COBLL1: variants seen among roughly 807,000 people sequenced by gnomAD.
The protein encoded by COBLL1 is cordon-bleu protein-like 1.
In COBLL1, 50 loss-of-function variants were observed where a neutral mutation model predicts 94.8. The observed-to-expected ratio is 0.53, with a 90% confidence interval of 0.42 to 0.67. COBLL1 has a LOEUF of 0.67. COBLL1 is among the 30% of genes least tolerant of loss of function. COBLL1 has a pLI of 0.00. For synonymous variants in COBLL1, 448 were observed against 473.8 expected (o/e 0.95, Z 0.71); for missense variants, 1,362 against 1,348.7 (o/e 1.01, Z -0.15).
At chr2:164,786,186 ACT>A (rs767693785) in intron 2 of COBLL1, among the ~76,000 whole-genome samples, 10 of 152,010 alleles carry the variant, frequency 6.6e-5, no homozygotes, top group Non-Finnish European at 1.3e-4. Context: ...CTTTTCCTAC[ACT>A]CTGTTTGGAG....
chr2:164,769,811 A>G (rs1688121396), intron 2 of COBLL1, among the ~76,000 whole-genome samples: 1 of 152,204 alleles, frequency 6.6e-6, no homozygotes, highest in African/African-American at 2.4e-5. Context: ...GCAAGCATTT[A>G]TTAAGCACCT....
At chr2:164,785,786 GA>G (rs138593356) in intron 2 of COBLL1, among the ~76,000 whole-genome samples, 31 of 145,388 alleles carry the variant, frequency 2.1e-4, no homozygotes, top group African/African-American at 5.5e-4. Context: ...AAGAAAGAAA[GA>G]AAAAAAAAAG....
Position 164,837,071 on chromosome 2 carries a change from A to C in COBLL1, c.41+4085T>G, listed in dbSNP as rs115145700. Among the ~76,000 whole-genome samples, 1,147 of 152,328 alleles carry C rather than the reference A, an allele frequency of 7.5e-3. 14 individuals carry two copies. Among genetic ancestry groups the C allele is most frequent in the African/African-American group, 0.026 (1,097 of 41,574 alleles). ...AGCTTAAGAAAGCAGCTGTTAAATCATTCTTTAATTTTTCGTATGCCTTCA... is the reference window on the plus strand; with the variant it reads ...AGCTTAAGAAAGCAGCTGTTAAATCCTTCTTTAATTTTTCGTATGCCTTCA... On this transcript the variant is annotated intron_variant, in intron 2 of 13. Coordinates refer to ENST00000652658, the MANE Select transcript of COBLL1 (RefSeq NM_001365672.2).
chr2:164,821,642 G>A (rs1559049561), intron 2 of COBLL1, among the ~76,000 whole-genome samples: 1 of 152,154 alleles, frequency 6.6e-6, no homozygotes, highest in Non-Finnish European at 1.5e-5. Flanking sequence ...CAACAATAAA[G>A]TTTAGGGAAA....
chr2:164,785,786 G>GA (rs138593356), intron 2 of COBLL1, among the ~76,000 whole-genome samples: 63 of 145,382 alleles, frequency 4.3e-4, no homozygotes, highest in African/African-American at 6.3e-4. Flanking sequence ...AAGAAAGAAA[G>GA]AAAAAAAAAA....
At chr2:164,750,815 G>C (rs2105584341) in intron 2 of COBLL1, among the ~76,000 whole-genome samples, 1 of 152,242 alleles carries the variant, frequency 6.6e-6, no homozygotes. Flanking sequence ...GTACTTGGCT[G>C]CCGCACCCCT....
At chr2:164,776,500 G>C (rs1377456518) in intron 2 of COBLL1, among the ~76,000 whole-genome samples, 1 of 152,044 alleles carries the variant, frequency 6.6e-6, no homozygotes, top group East Asian at 1.9e-4. Context: ...TCTTAATCAA[G>C]TCTACGGTAG....
intron 5 of COBLL1, 38 bp from the exon 6 acceptor site, chr2:164,722,560 G>T (rs1016887793): frequency 3.6e-6 from 4 of 1,122,520 alleles, no homozygotes; most frequent in African/African-American, 1.6e-5. Context: ...TTGTATGTGA[G>T]GTTGACTGTT....
intron 1 of COBLL1, among the ~76,000 whole-genome samples, chr2:164,674,051 T>C (rs576580011): frequency 6.6e-6 from 1 of 152,210 alleles, no homozygotes; most frequent in Admixed American, 6.5e-5. Flanking sequence ...TTTACTATCT[T>C]TTTGTTTTTT....
chr2:164,702,391 G>A lies in COBLL1; in HGVS notation c.1226-1635C>T, dbSNP rs919267683. On this transcript the variant is annotated intron_variant, in intron 9 of 13. Transcript: ENST00000652658. ...ATCCTGGCCAACATAGTGAAACCCC[G>A]TCTCTACTAAAAATACAAAAAAATT... Among the ~76,000 whole-genome samples, 21 of 151,250 alleles carry A rather than the reference G, an allele frequency of 1.4e-4. No homozygotes were observed. The South Asian group carries it at 1.5e-3, about 11-fold the overall frequency.
rs936148032 is a variant in COBLL1 at position 164,682,992 on chromosome 2, T to G, written c.*2954A>C. On this transcript the variant is annotated 3_prime_UTR_variant, in exon 14 of 14. Coordinates refer to ENST00000652658, the MANE Select transcript of COBLL1 (RefSeq NM_001365672.2). Reference sequence around the variant, plus strand: ...ATTAGAGTGTGACCTCCTTTCATGTTAAGAAACACACATACACACACACAC... The same window carrying G: ...ATTAGAGTGTGACCTCCTTTCATGTGAAGAAACACACATACACACACACAC... The G allele has an allele frequency of 1.4e-5, 2 of 139,046 alleles. No individual in the cohort carries two copies. Among genetic ancestry groups the G allele is most frequent in the African/African-American group, 5.7e-5 (2 of 34,812 alleles). 8.6% of individuals were successfully genotyped at this position (139,046 alleles called of 1,614,324 possible).
intron 7 of COBLL1, among the ~76,000 whole-genome samples, chr2:164,713,253 A>G (rs1362210263): frequency 2.6e-5 from 4 of 152,124 alleles, no homozygotes; most frequent in Admixed American, 2.6e-4. Flanking sequence ...AGATTAAGAA[A>G]AGTCATATAA....
chr2:164,727,525 A>C (rs1219597797), intron 5 of COBLL1, among the ~76,000 whole-genome samples: 1 of 152,036 alleles, frequency 6.6e-6, no homozygotes, highest in Non-Finnish European at 1.5e-5. Flanking sequence ...CCTTAGGAAA[A>C]ATTTGGCAAG....
intron 3 of COBLL1, among the ~76,000 whole-genome samples, chr2:164,739,096 A>G (rs1686467904): frequency 6.6e-6 from 1 of 152,130 alleles, no homozygotes; most frequent in African/African-American, 2.4e-5. Context: ...CCCCCGCCCA[A>G]TGTAAGCAGA....
intron 7 of COBLL1, among the ~76,000 whole-genome samples, chr2:164,708,850 T>C (rs1008092010): frequency 5.3e-5 from 8 of 152,198 alleles, no homozygotes; most frequent in Non-Finnish European, 1.2e-4. Flanking sequence ...ATTGCTTTCA[T>C]GAGGTGTATA....
chr2:164,672,503 C>T (rs1691257328), intron 1 of COBLL1, among the ~76,000 whole-genome samples: 1 of 151,010 alleles, frequency 6.6e-6, no homozygotes, highest in Non-Finnish European at 1.5e-5. Context: ...TCGAGACCAT[C>T]CTGGCTAACA....
chr2:164,748,285 A>T (rs1686969750), intron 2 of COBLL1, among the ~76,000 whole-genome samples: 1 of 152,160 alleles, frequency 6.6e-6, no homozygotes. Context: ...ACTTTAACTT[A>T]TTTGACCTTT....
At chr2:164,674,226 A>T (rs773829588) in intron 1 of COBLL1, among the ~76,000 whole-genome samples, 5 of 151,940 alleles carry the variant, frequency 3.3e-5, no homozygotes, top group Non-Finnish European at 7.4e-5. Flanking sequence ...AGACCCAGCT[A>T]ATTTTTGTAT....
chr2:164,819,210 TG>T (rs1467704524), intron 2 of COBLL1, among the ~76,000 whole-genome samples: 4 of 152,138 alleles, frequency 2.6e-5, no homozygotes, highest in Non-Finnish European at 5.9e-5. Flanking sequence ...ATGCTAAAAA[TG>T]TTTGCATAAA....
Sources: gnomAD v4.1 joint callset for allele counts (sites outside exome capture counted in the v4.1 genomes callset) on GRCh38, gnomAD v4.1.1 for gene constraint, MANE v1.5 for transcripts, NCBI Gene and HGNC (gene_info 2026-07-23, HGNC 2026-07-21) for gene names.